TESK2: variants seen among roughly 807,000 people sequenced by gnomAD.
TESK2 encodes the protein dual specificity testis-specific protein kinase 2.
A neutral mutation model predicts 57.1 loss-of-function variants in TESK2; 39 were observed. That is an observed-to-expected ratio of 0.68 (90% CI 0.53 to 0.89). The LOEUF (loss-of-function observed/expected upper bound fraction) is 0.89, where lower values mean the gene tolerates loss of function less well. Ranked by LOEUF, TESK2 falls within the 40% of genes least tolerant of loss-of-function variation. The probability of loss-of-function intolerance (pLI) is 0.00; values close to 1 mark genes in which losing one functional copy is unlikely to be tolerated. For missense variants in TESK2, 646 were observed against 732.1 expected, an observed-to-expected ratio of 0.88 and a Z score of 1.36; for synonymous variants, 249 against 267.9, an observed-to-expected ratio of 0.93 and a Z score of 0.69.
Position 45,347,187 on chromosome 1 carries a change from T to A in TESK2, c.709-125A>T, listed in dbSNP as rs548244050. The A allele has an allele frequency of 4.2e-3, 3,039 of 731,808 alleles. 15 individuals carry two copies. The highest frequency in any genetic ancestry group is 6.2e-3 in the Non-Finnish European group (2,690 of 433,174). The allele number at this position is 731,808 out of a possible 1,614,324, so 45.3% of individuals were successfully genotyped here. A position where few individuals can be genotyped will look rare whatever the true frequency, so the allele number is the denominator to read the frequency against. Reference sequence around the variant, plus strand: ...AGGCCTGGGCCATATTGCCCATACTTCATCCCAGTCAGTCACTGGGCAGCT... The same window carrying A: ...AGGCCTGGGCCATATTGCCCATACTACATCCCAGTCAGTCACTGGGCAGCT... On this transcript the variant is annotated intron_variant, in intron 7 of 10. Transcript: ENST00000372086.
chr1:45,398,172 G>C (rs747460928), intron 3 of TESK2, among the ~76,000 whole-genome samples: 12 of 152,122 alleles, frequency 7.9e-5, no homozygotes, highest in Non-Finnish European at 1.8e-4. Flanking sequence ...GCCTCCCAAA[G>C]GGCTGGGATT....
chr1:45,478,326 C>T (rs1320156328), intron 1 of TESK2, among the ~76,000 whole-genome samples: 1 of 152,178 alleles, frequency 6.6e-6, no homozygotes, highest in Non-Finnish European at 1.5e-5. Flanking sequence ...CTGCACAAGT[C>T]TTAGTTATTA....
intron 1 of TESK2, among the ~76,000 whole-genome samples, chr1:45,459,146 T>C (rs1652234104): frequency 6.6e-6 from 1 of 152,232 alleles, no homozygotes; most frequent in Non-Finnish European, 1.5e-5. Flanking sequence ...GTTTCTTTCC[T>C]GGCAATGTGC....
rs1570714206 is a variant in TESK2, at chr1:45,422,759, T to TTGTTGTTGTTGTTGTTGTTGTTG, written c.223-914_223-913insCAACAACAACAACAACAACAACA. ...ATGCCCAGCCAATCATGTCTGGTTTTTTGTTGTTGTTGTTGTTGTTTTTGT... is the reference window on the plus strand; with the variant it reads ...ATGCCCAGCCAATCATGTCTGGTTTTTGTTGTTGTTGTTGTTGTTGTTGTTGTTGTTGTTGTTGTTGTTTTTGT... On this transcript the variant is annotated intron_variant, in intron 2 of 10. Coordinates refer to ENST00000372086, the MANE Select transcript of TESK2 (RefSeq NM_007170.3). Among the ~76,000 whole-genome samples the TTGTTGTTGTTGTTGTTGTTGTTG allele has an allele frequency of 1.3e-3, 191 of 147,008 alleles. 2 individuals are homozygous for TTGTTGTTGTTGTTGTTGTTGTTG. Among genetic ancestry groups the TTGTTGTTGTTGTTGTTGTTGTTG allele is most frequent in the East Asian group, 5.0e-3 (24 of 4,774 alleles).
At chr1:45,394,792 G>T (rs1290672164) in intron 3 of TESK2, among the ~76,000 whole-genome samples, 2 of 139,086 alleles carry the variant, frequency 1.4e-5, no homozygotes, top group Non-Finnish European at 3.0e-5. Context: ...CTGAGTTCAA[G>T]CGATTCTCCT....
intron 2 of TESK2, among the ~76,000 whole-genome samples, chr1:45,443,769 G>A (rs930146299): frequency 2.0e-5 from 3 of 151,942 alleles, no homozygotes; most frequent in Non-Finnish European, 2.9e-5. Context: ...TTTAAAGCTC[G>A]ATAATCATCT....
chr1:45,466,512 G>A (rs2149302852), intron 1 of TESK2, among the ~76,000 whole-genome samples: 1 of 151,734 alleles, frequency 6.6e-6, no homozygotes, highest in African/African-American at 2.4e-5. Context: ...ACCCAGGCAT[G>A]GTGGCATGCG....
chr1:45,392,618 T>C (rs1438015881), intron 3 of TESK2, among the ~76,000 whole-genome samples: 2 of 152,132 alleles, frequency 1.3e-5, no homozygotes, highest in Non-Finnish European at 2.9e-5. Context: ...GGAGAATTGC[T>C]TGAACCCAGG....
At position 45,360,242 on chromosome 1, in the gene TESK2, C is replaced by T. The variant is rs111998090; in HGVS notation, c.394-4793G>A. ...GAAAAGAAACTGAGCTTGTGAACTT[C>T]AGGGTTATAAGTGGGCAGTGAAGCT... On this transcript the variant is annotated intron_variant, in intron 4 of 10. Transcript: ENST00000372086. Among the ~76,000 whole-genome samples, 790 of 152,242 alleles carry T rather than the reference C, an allele frequency of 5.2e-3. 8 individuals are homozygous for T. The highest frequency in any genetic ancestry group is 0.018 in the African/African-American group (748 of 41,538).
rs1469317869 is a variant in TESK2 at position 45,417,558 on chromosome 1, T to C, written c.344+4167A>G. ...TTGTTGCTTGTGCACATCCAAAAAA[T>C]TGTCTACCCAATCTCATGGAGATTT... On this transcript the variant is annotated intron_variant, in intron 3 of 10. Transcript: ENST00000372086. Among the ~76,000 whole-genome samples the C allele has an allele frequency of 2.0e-5, 3 of 152,150 alleles. No homozygotes were observed. The South Asian group carries it at 6.2e-4, about 31-fold the overall frequency.
intron 1 of TESK2, among the ~76,000 whole-genome samples, chr1:45,478,177 C>T (rs1266109725): frequency 6.6e-6 from 1 of 152,174 alleles, no homozygotes; most frequent in Non-Finnish European, 1.5e-5. Context: ...CCTGCTCACA[C>T]TTCAATATCT....
intron 2 of TESK2, among the ~76,000 whole-genome samples, chr1:45,450,028 A>G (rs993982930): frequency 6.6e-6 from 1 of 152,190 alleles, no homozygotes; most frequent in Non-Finnish European, 1.5e-5. Flanking sequence ...TGATAGAGAT[A>G]TTTTCTTAAA....
rs1217934461 is a variant in TESK2, at chr1:45,427,832, G to C, written c.223-5986C>G. Among the ~76,000 whole-genome samples, 4 of 151,836 alleles carry C rather than the reference G, an allele frequency of 2.6e-5. No homozygotes were observed. The East Asian group carries it at 5.8e-4, about 22-fold the overall frequency. ...CAAAAATATAGCTTGATAGAATGAA[G>C]AAGATTTAGTACAACAGGGTGATTA... On this transcript the variant is annotated intron_variant, in intron 2 of 10. Coordinates refer to ENST00000372086, the MANE Select transcript of TESK2 (RefSeq NM_007170.3).
At chr1:45,423,115 G>A (rs1335669389) in intron 2 of TESK2, among the ~76,000 whole-genome samples, 1 of 152,140 alleles carries the variant, frequency 6.6e-6, no homozygotes, top group East Asian at 1.9e-4. Flanking sequence ...TGACCTTGGT[G>A]AGTCTTAAGA....
intron 1 of TESK2, among the ~76,000 whole-genome samples, chr1:45,466,559 G>C (rs1356991258): frequency 6.6e-6 from 1 of 151,864 alleles, no homozygotes; most frequent in Non-Finnish European, 1.5e-5. Flanking sequence ...TGAGGCAGAA[G>C]CATTAGTTGG....
At chr1:45,432,599 G>A (rs1429757898) in intron 2 of TESK2, among the ~76,000 whole-genome samples, 1 of 150,386 alleles carries the variant, frequency 6.6e-6, no homozygotes, top group Non-Finnish European at 1.5e-5. Context: ...GCTGAGGCAG[G>A]AGAATGGCGT....
intron 1 of TESK2, among the ~76,000 whole-genome samples, chr1:45,477,514 C>T (rs1015978909): frequency 1.3e-5 from 2 of 151,310 alleles, no homozygotes; most frequent in African/African-American, 2.4e-5. Flanking sequence ...TCCAGCTACT[C>T]GGGAGGCTGA....
chr1:45,455,596 G>A (rs1317874035), intron 2 of TESK2, among the ~76,000 whole-genome samples: 1 of 152,190 alleles, frequency 6.6e-6, no homozygotes, highest in African/African-American at 2.4e-5. Flanking sequence ...TTACAGAAGG[G>A]AGAATTAGTG....
At position 45,462,212 on chromosome 1, in the gene TESK2, CTT is replaced by C. The variant is rs374178923; in HGVS notation, c.-86-4343_-86-4342del. Reference sequence around the variant, plus strand: ...GCAAAGTTTGTCCTTCTGTGCCTGACTTATTTCACTTAACATGATGTCCTCAA... The same window carrying C: ...GCAAAGTTTGTCCTTCTGTGCCTGACATTTCACTTAACATGATGTCCTCAA... On this transcript the variant is annotated intron_variant, in intron 1 of 10. Transcript: ENST00000372086. 3.5e-4 allele frequency among the ~76,000 whole-genome samples: 53 copies of C among 152,096 alleles called. No homozygotes were observed. In the East Asian group the frequency reaches 9.7e-3, roughly 28 times the overall value.
Sources: allele counts gnomAD v4.1 joint callset (sites outside exome capture counted in the v4.1 genomes callset), GRCh38; gene constraint gnomAD v4.1.1; transcripts MANE v1.5; gene names NCBI Gene and HGNC (gene_info 2026-07-23, HGNC 2026-07-21).